Variants in PRG4 observed in about 807,000 individuals in gnomAD.
PRG4 encodes the protein proteoglycan 4.
Under a neutral mutation model 91.2 loss-of-function variants are expected in PRG4, and 61 were observed. That is an observed-to-expected ratio of 0.67 (90% CI 0.54 to 0.83). The LOEUF is 0.83. PRG4 is among the 40% of genes least tolerant of loss of function. PRG4 has a pLI of 0.00. For missense variants in PRG4, 1,564 were observed against 1,714.2 expected, an observed-to-expected ratio of 0.91 and a Z score of 1.55; for synonymous variants, 576 against 614.2, an observed-to-expected ratio of 0.94 and a Z score of 0.92.
Position 186,309,080 on chromosome 1 carries a change from G to T in PRG4, c.3361G>T (p.Asp1121Tyr). 2 of 1,613,880 alleles carry T rather than the reference G, an allele frequency of 1.2e-6. No homozygotes were observed. The highest frequency in any genetic ancestry group is 1.7e-6 in the Non-Finnish European group (2 of 1,179,958). ...TGTGTTCATGCCTGAAGTTACTCCC[G>T]ACATGGATTACTTACCGAGAGTACC... is the stretch of plus-strand genomic sequence containing the variant. ...PHVFMPEVTP[D>Y]MDYLPRVPNQ... Residue 1121 changes from aspartate (D) to tyrosine (Y), a missense_variant, in exon 7 of 13, where the codon GAC becomes TAC. Physicochemically the swap from Asp to Tyr is radical, Grantham distance 160 (BLOSUM62 -3). Around this residue, in one of 3 missense-constraint regions of PRG4, gnomAD observed 1,079 missense variants for 1,162.2 expected, o/e 0.93. Transcript: ENST00000445192.
rs1328343430 is a variant in PRG4 at position 186,311,157 on chromosome 1, C to G, written c.3623C>G (p.Thr1208Ser). The G allele has an allele frequency of 6.2e-7, 1 of 1,612,024 alleles. No individual in the cohort carries two copies. The highest frequency in any genetic ancestry group is 8.5e-7 in the Non-Finnish European group (1 of 1,178,296). ...VFTRCNCEGKTFFFKDSQYWR... is the reference protein window; with the variant it reads ...VFTRCNCEGKSFFFKDSQYWR... ...ACTAGGTGCAACTGTGAAGGAAAAA[C>G]TTTCTTCTTTAAGGTAACACAAATA... The change falls in exon 9 of 13, where the codon ACT becomes AGT. Residue 1208 changes from threonine to serine, a missense_variant. Physicochemically the swap from Thr to Ser is moderately conservative, Grantham distance 58. Transcript: ENST00000445192.
rs1167263659 is a variant in PRG4, at chr1:186,313,668, C to T, written c.4118-13C>T. The T allele has an allele frequency of 6.6e-7, 1 of 1,519,614 alleles. No homozygotes were observed. Among genetic ancestry groups the T allele is most frequent in the Non-Finnish European group, 9.1e-7 (1 of 1,095,172 alleles). 94.1% of individuals were successfully genotyped at this position (1,519,614 alleles called of 1,614,324 possible). A position where few individuals can be genotyped will look rare whatever the true frequency, so the allele number is the denominator to read the frequency against. ...TTCTTTTTAACTAAAAAAATGTTTTCTCTTCCATTTAGATCAATACTATAA... is the reference window on the plus strand; with the variant it reads ...TTCTTTTTAACTAAAAAAATGTTTTTTCTTCCATTTAGATCAATACTATAA... On this transcript the variant is annotated splice_polypyrimidine_tract_variant and intron_variant, in intron 12 of 12. Coordinates refer to ENST00000445192, the MANE Select transcript of PRG4 (RefSeq NM_005807.6).
chr1:186,312,985 A>G, intron 12 of PRG4, 91 bp downstream of exon 12: 1 of 1,354,196 alleles, frequency 7.4e-7, no homozygotes, highest in Non-Finnish European at 1.1e-6. Context: ...ATGATGACTG[A>G]ATGTGAGAAG....
intron 6 of PRG4, among the ~76,000 whole-genome samples, chr1:186,305,851 C>G (rs899868656): frequency 1.3e-5 from 2 of 152,122 alleles, no homozygotes; most frequent in Non-Finnish European, 2.9e-5. Flanking sequence ...GAACAAGGCT[C>G]AGCAGGGACT....
rs1657493887 is a variant in PRG4 at position 186,314,178 on chromosome 1, A to G, written c.*400A>G. ...AACTTCAATGGAAATTATTACAAGC[A>G]GATTAATCCCTCTTTTTGTGACACA... On this transcript the variant is annotated 3_prime_UTR_variant, in exon 13 of 13. Transcript: ENST00000445192. 3.2e-6 allele frequency: 2 copies of G among 625,970 alleles called. No individual in the cohort carries two copies. Among genetic ancestry groups the G allele is most frequent in the South Asian group, 4.6e-5 (2 of 43,036 alleles). The allele number at this position is 625,970 out of a possible 1,614,324, so 38.8% of individuals were successfully genotyped here.
rs762819432 is a variant in PRG4, at chr1:186,306,391, T to C, written c.672T>C (p.Ser224=). The change falls in exon 7 of 13, where the codon AGT becomes AGC. Residue 224 remains serine (S), a synonymous_variant. Transcript: ENST00000445192. ...PKPPVVDEAG[S]GLDNGDFKVT... ...CACCAGTTGTAGATGAAGCTGGAAG[T>C]GGATTGGACAATGGTGACTTCAAGG... The C allele has an allele frequency of 1.2e-6, 2 of 1,613,150 alleles. No homozygotes were observed. The highest frequency in any genetic ancestry group is 8.5e-7 in the Non-Finnish European group (1 of 1,179,492).
chr1:186,302,436 C>G (rs889301973), intron 4 of PRG4, among the ~76,000 whole-genome samples: 2 of 152,130 alleles, frequency 1.3e-5, no homozygotes, highest in African/African-American at 4.8e-5. Context: ...GATTACTTTC[C>G]TTTACCAAAT....
At position 186,307,970 on chromosome 1, in the gene PRG4, C is replaced by T. The variant is rs546049780; in HGVS notation, c.2251C>T (p.Pro751Ser). The T allele has an allele frequency of 8.1e-6, 13 of 1,609,270 alleles. No homozygotes were observed. In the African/African-American group the frequency reaches 8.2e-5, roughly 10 times the overall value. ...ATCCACCACCTCTGACAAGCCCGCT[C>T]CAACTACCCCTAAGGGGACTGCTCC... ...PTSTTSDKPA[P>S]TTPKGTAPTT... Residue 751 changes from proline to serine, a missense_variant, in exon 7 of 13, where the codon CCA becomes TCA. Physicochemically the swap from Pro to Ser is moderately conservative, Grantham distance 74. This residue lies in a region of PRG4 where 1,079 missense variants were observed against 1,162.2 expected (regional missense o/e 0.93). Coordinates refer to ENST00000445192, the MANE Select transcript of PRG4 (RefSeq NM_005807.6).
chr1:186,304,793 G>C lies in PRG4; in HGVS notation c.470-1G>C. ...GATCAAACTTTCTATTTGATTTATAGAACATTCTGTTTCTGAAAATCAAGA... is the reference window on the plus strand; with the variant it reads ...GATCAAACTTTCTATTTGATTTATACAACATTCTGTTTCTGAAAATCAAGA... On this transcript the variant is annotated splice_acceptor_variant, in intron 5 of 12. Transcript: ENST00000445192. LOFTEE classifies it high-confidence loss of function. 1 of 1,610,354 alleles carries C rather than the reference G, an allele frequency of 6.2e-7. No homozygotes were observed. The highest frequency in any genetic ancestry group is 1.1e-5 in the South Asian group (1 of 90,944).
At chr1:186,305,759 C>A (rs929125442) in intron 6 of PRG4, among the ~76,000 whole-genome samples, 1 of 150,770 alleles carries the variant, frequency 6.6e-6, no homozygotes, top group Non-Finnish European at 1.5e-5. Flanking sequence ...CCCATCACAC[C>A]CTAAGCTCCT....
chr1:186,297,861 A>G (rs796367171), intron 2 of PRG4, among the ~76,000 whole-genome samples: 7 of 152,310 alleles, frequency 4.6e-5, no homozygotes, highest in African/African-American at 1.7e-4. Context: ...AAGTTGCAGA[A>G]TTGTTTAGAT....
chr1:186,301,725 T>TA lies in PRG4; in HGVS notation c.319+15dup. The TA allele has an allele frequency of 6.2e-7, 1 of 1,612,518 alleles. No homozygotes were observed. The highest frequency in any genetic ancestry group is 2.2e-5 in the East Asian group (1 of 44,862). On this transcript the variant is annotated intron_variant, in intron 4 of 12. Transcript: ENST00000445192. ...TCTGTGCAGAAGGTAAGCATCACAGTACCAACCAATGCTTCTCAGTACAGC... is the reference window on the plus strand; with the variant it reads ...TCTGTGCAGAAGGTAAGCATCACAGTAACCAACCAATGCTTCTCAGTACAGC...
Position 186,304,205 on chromosome 1 carries a change from A to C in PRG4, c.417A>C (p.Pro139=). ...CAACAACCAAACGTTCACCCAAACCACCAAACAAGAAGAAGACTAAGAAAG... is the reference window on the plus strand; with the variant it reads ...CAACAACCAAACGTTCACCCAAACCCCCAAACAAGAAGAAGACTAAGAAAG... ...IKSTTKRSPK[P]PNKKKTKKVI... The change falls in exon 5 of 13, where the codon CCA becomes CCC. Residue 139 remains proline, a synonymous_variant. Transcript: ENST00000445192. The C allele has an allele frequency of 6.2e-7, 1 of 1,613,856 alleles. No individual in the cohort carries two copies. The highest frequency in any genetic ancestry group is 1.1e-5 in the South Asian group (1 of 91,080).
rs772168924 is a variant in PRG4 at position 186,296,927 on chromosome 1, G to A, written c.52G>A (p.Val18Met). 2.1e-5 allele frequency: 34 copies of A among 1,613,760 alleles called. No homozygotes were observed. Among genetic ancestry groups the A allele is most frequent in the Admixed American group, 5.0e-5 (3 of 59,988 alleles). ...CCTGTTGTTGCTGCTGTCTGTTTTC[G>A]TGATTCAGCAAGTTTCATCTCAAGG... ...IYLLLLLSVFVIQQVSSQDLS... is the reference protein window; with the variant it reads ...IYLLLLLSVFMIQQVSSQDLS... The change falls in exon 2 of 13, where the codon GTG (valine) becomes ATG (methionine). Residue 18 changes from valine (V) to methionine (M), a missense_variant. Physicochemically the swap from Val to Met is conservative, Grantham distance 21 (BLOSUM62 1). Transcript: ENST00000445192.
chr1:186,313,942 A>T lies in PRG4; in HGVS notation c.*164A>T. ...ACACTAAAACAGATTTGATAATCTT[A>T]TTCACAGTTGTTATTGTTTACAGAC... On this transcript the variant is annotated 3_prime_UTR_variant, in exon 13 of 13. Coordinates refer to ENST00000445192, the MANE Select transcript of PRG4 (RefSeq NM_005807.6). 1 of 1,604,076 alleles carries T rather than the reference A, an allele frequency of 6.2e-7. No homozygotes were observed. Among genetic ancestry groups the T allele is most frequent in the Non-Finnish European group, 8.5e-7 (1 of 1,172,392 alleles).
chr1:186,309,761 T>A (rs1657035481), intron 7 of PRG4, 32 bp from the exon 8 acceptor site: 2 of 1,458,040 alleles, frequency 1.4e-6, no homozygotes, highest in Non-Finnish European at 1.9e-6. Context: ...CATTCTGTTC[T>A]ATATTTGTTT....
In PRG4 at chr1:186,309,058, G is replaced by A; in HGVS notation, c.3339G>A (p.Val1113=). 1 of 1,613,870 alleles carries A rather than the reference G, an allele frequency of 6.2e-7. No individual in the cohort carries two copies. Among genetic ancestry groups the A allele is most frequent in the Non-Finnish European group, 8.5e-7 (1 of 1,179,850 alleles). Residue 1113 remains valine, a synonymous_variant, in exon 7 of 13, where the codon GTG becomes GTA. Transcript: ENST00000445192. Reference sequence around the variant, plus strand: ...CTCATATGCTTCTCAGGCCCCATGTGTTCATGCCTGAAGTTACTCCCGACA... The same window carrying A: ...CTCATATGCTTCTCAGGCCCCATGTATTCATGCCTGAAGTTACTCCCGACA... The part of the protein sequence containing the change: ...ETPHMLLRPH[V]FMPEVTPDMD...
In PRG4 at chr1:186,306,436, T is replaced by C. The variant is rs1228753986; in HGVS notation, c.717T>C (p.Ser239=). 2 of 1,613,632 alleles carry C rather than the reference T, an allele frequency of 1.2e-6. No individual in the cohort carries two copies. Among genetic ancestry groups the C allele is most frequent in the South Asian group, 1.1e-5 (1 of 91,076 alleles). ...GDFKVTTPDT[S]TTQHNKVSTS... ...TCAAGGTCACAACTCCTGACACGTC[T>C]ACCACCCAACACAATAAAGTCAGCA... Residue 239 remains serine, a synonymous_variant, in exon 7 of 13, where the codon TCT becomes TCC. Transcript: ENST00000445192.
chr1:186,300,306 C>G, intron 3 of PRG4, 93 bp downstream of exon 3: 1 of 1,532,130 alleles, frequency 6.5e-7, no homozygotes. Flanking sequence ...TGAGACTGAG[C>G]CTCCCCTTGC....
Sources: gnomAD v4.1 joint callset for allele counts (sites outside exome capture counted in the v4.1 genomes callset) on GRCh38, gnomAD v4.1.1 for gene constraint, gnomAD v4.1.1 regional missense constraint, MANE v1.5 for transcripts, NCBI Gene and HGNC (gene_info 2026-07-23, HGNC 2026-07-21) for gene names.